The following CDK14 variants were observed in gnomAD, a reference collection of about 807,000 sequenced individuals.
CDK14 encodes the protein cyclin-dependent kinase 14.
Under a neutral mutation model 60.7 loss-of-function variants are expected in CDK14, and 34 were observed. That is an observed-to-expected ratio of 0.56 (90% CI 0.43 to 0.75). The LOEUF is 0.75. CDK14 is among the 30% of genes least tolerant of loss of function. CDK14 has a pLI of 0.00. For synonymous variants in CDK14, 197 were observed against 203.7 expected (o/e 0.97, Z 0.28); for missense variants, 482 against 564.1 (o/e 0.85, Z 1.47).
chr7:90,699,329 ACACTTAAACATACATTATGCT>A (rs1475582135), intron 2 of CDK14, among the ~76,000 whole-genome samples: 1 of 152,228 alleles, frequency 6.6e-6, no homozygotes, highest in Admixed American at 6.5e-5. Flanking sequence ...GTGCCTGATC[ACACTTAAACATACATTATGCT>A]TATCACTGGA....
At chr7:91,187,169 G>A (rs1212075542) in intron 14 of CDK14, among the ~76,000 whole-genome samples, 1 of 152,154 alleles carries the variant, frequency 6.6e-6, no homozygotes, top group Non-Finnish European at 1.5e-5. Flanking sequence ...ATATGGTTAA[G>A]TACTGATGAA....
chr7:90,896,996 T>C (rs1303019996), intron 6 of CDK14, among the ~76,000 whole-genome samples: 1 of 152,196 alleles, frequency 6.6e-6, no homozygotes, highest in African/African-American at 2.4e-5. Flanking sequence ...ATATCCTTTA[T>C]AGCTTTACTT....
rs565543000 is a variant in CDK14, at chr7:91,020,106, A to G, written c.1042-25791A>G. 2.1e-4 allele frequency among the ~76,000 whole-genome samples: 32 copies of G among 152,262 alleles called. No individual in the cohort carries two copies. In the South Asian group the frequency reaches 6.0e-3, roughly 29 times the overall value. On this transcript the variant is annotated intron_variant, in intron 10 of 14. Transcript: ENST00000380050. ...GTAGAAAGATAAGAAGGGCCAATGGAAACCTGTGCTGCCTCCTAAGTCATA... is the reference window on the plus strand; with the variant it reads ...GTAGAAAGATAAGAAGGGCCAATGGGAACCTGTGCTGCCTCCTAAGTCATA...
intron 4 of CDK14, among the ~76,000 whole-genome samples, chr7:90,766,197 C>CT (rs1219741738): frequency 2.0e-5 from 3 of 151,646 alleles, no homozygotes; most frequent in East Asian, 1.9e-4. Context: ...AATGACATCT[C>CT]TTTTTTTGTG....
intron 5 of CDK14, among the ~76,000 whole-genome samples, chr7:90,797,314 CATCATTTTTCCTGT>C (rs1441441834): frequency 6.6e-6 from 1 of 151,874 alleles, no homozygotes; most frequent in Non-Finnish European, 1.5e-5. Context: ...TGTGTCTTCA[CATCATTTTTCCTGT>C]GTACCTGTCT....
intron 2 of CDK14, chr7:90,632,318 C>T: frequency 6.3e-6 from 2 of 317,966 alleles, no homozygotes; most frequent in Admixed American, 3.7e-5. Flanking sequence ...GTCTCAGAGG[C>T]TGAATCAAGG....
intron 10 of CDK14, among the ~76,000 whole-genome samples, chr7:91,039,313 A>T (rs1005603236): frequency 1.7e-4 from 26 of 152,162 alleles, no homozygotes; most frequent in East Asian, 3.8e-4. Context: ...GACACTTTTT[A>T]AAAAAATCGT....
intron 2 of CDK14, among the ~76,000 whole-genome samples, chr7:90,711,882 A>ACTTTTTTTTTTTTTTTT (rs1408956904): frequency 9.0e-6 from 1 of 110,820 alleles, no homozygotes; most frequent in African/African-American, 3.3e-5. Context: ...ATAGTCTACT[A>ACTTTTTTTTTTTTTTTT]TGTTTTTTTT....
intron 11 of CDK14, among the ~76,000 whole-genome samples, chr7:91,047,543 A>G (rs803052): frequency 0.11 from 16,650 of 152,278 alleles, 1,128 homozygotes; most frequent in Non-Finnish European, 0.15. Flanking sequence ...ATCGTATTGA[A>G]TGTTAAAACA....
chr7:90,949,296 GGTTTAA>G (rs1794187097), intron 8 of CDK14, among the ~76,000 whole-genome samples: 1 of 151,980 alleles, frequency 6.6e-6, no homozygotes. Context: ...GCACCTCCGG[GGTTTAA>G]GTGATTCTCT....
Position 90,634,703 on chromosome 7 carries a change from G to A in CDK14, c.123+30454G>A, listed in dbSNP as rs1034769146. Among the ~76,000 whole-genome samples, 401 of 151,730 alleles carry A rather than the reference G, an allele frequency of 2.6e-3. 2 individuals carry two copies. The highest frequency in any genetic ancestry group is 6.8e-3 in the Middle Eastern group (2 of 294). On this transcript the variant is annotated intron_variant, in intron 2 of 14. Coordinates refer to ENST00000380050, the MANE Select transcript of CDK14 (RefSeq NM_001287135.2). ...TCTAGTTCTAGATCCCTGAGGAATC[G>A]CCACACTGACTTCCACAATGGTTGA...
At chr7:90,760,269 A>G (rs1009894628) in intron 4 of CDK14, among the ~76,000 whole-genome samples, 2 of 152,200 alleles carry the variant, frequency 1.3e-5, no homozygotes, top group African/African-American at 2.4e-5. Flanking sequence ...GCAGCAGTTA[A>G]CCACCTTTTC....
At chr7:90,829,834 C>T (rs1789857163) in intron 5 of CDK14, among the ~76,000 whole-genome samples, 1 of 152,156 alleles carries the variant, frequency 6.6e-6, no homozygotes, top group Non-Finnish European at 1.5e-5. Flanking sequence ...CCCGGCTAGT[C>T]ATTAAATCTT....
chr7:91,176,807 G>A (rs1801777827), intron 14 of CDK14, among the ~76,000 whole-genome samples: 2 of 151,740 alleles, frequency 1.3e-5, no homozygotes, highest in South Asian at 4.2e-4. Flanking sequence ...TGAAATTGTG[G>A]CAATAATCAA....
intron 9 of CDK14, among the ~76,000 whole-genome samples, chr7:90,966,380 G>A (rs17400329): frequency 5.3e-5 from 8 of 151,932 alleles, no homozygotes; most frequent in Admixed American, 3.3e-4. Context: ...CCAATTAACC[G>A]GTCAGTTCAT....
chr7:91,030,624 G>A (rs1254270422), intron 10 of CDK14, among the ~76,000 whole-genome samples: 2 of 152,170 alleles, frequency 1.3e-5, no homozygotes, highest in East Asian at 3.9e-4. Context: ...AGAAGAGAAA[G>A]AAAATGCAAG....
At chr7:91,131,423 T>C (rs1800114321) in intron 14 of CDK14, among the ~76,000 whole-genome samples, 1 of 152,128 alleles carries the variant, frequency 6.6e-6, no homozygotes, top group Non-Finnish European at 1.5e-5. Flanking sequence ...CAACGTGATA[T>C]CCAGGATGTA....
chr7:90,998,009 T>A (rs1016578762), intron 10 of CDK14, among the ~76,000 whole-genome samples: 1 of 152,238 alleles, frequency 6.6e-6, no homozygotes, highest in African/African-American at 2.4e-5. Context: ...TTTCAATTCC[T>A]TATTAATTTT....
intron 6 of CDK14, among the ~76,000 whole-genome samples, chr7:90,870,940 AC>A (rs1258266719): frequency 6.6e-6 from 1 of 152,238 alleles, no homozygotes; most frequent in Admixed American, 6.5e-5. Flanking sequence ...GATATTTAAA[AC>A]AAGAATAGAA....
Sources: allele counts gnomAD v4.1 joint callset (sites outside exome capture counted in the v4.1 genomes callset), GRCh38; gene constraint gnomAD v4.1.1; transcripts MANE v1.5; gene names NCBI Gene and HGNC (gene_info 2026-07-23, HGNC 2026-07-21).